Variants in PDE1C observed in about 807,000 individuals in gnomAD.
PDE1C encodes phosphodiesterase 1C, also known as dual specificity calcium/calmodulin-dependent 3',5'-cyclic nucleotide phosphodiesterase 1C.
In PDE1C, 62 loss-of-function variants were observed where a neutral mutation model predicts 93.1. The ratio of observed to expected loss-of-function variants is 0.67; its 90% CI spans 0.54 to 0.82. The LOEUF (loss-of-function observed/expected upper bound fraction) is 0.82, where lower values mean the gene tolerates loss of function less well. Among genes scored for constraint, PDE1C ranks in the 40% least tolerant of loss-of-function variants. The pLI is 0.00. For synonymous variants in PDE1C, 325 were observed against 310.1 expected (o/e 1.05, Z -0.50); for missense variants, 742 against 884.6 (o/e 0.84, Z 2.04).
intron 17 of PDE1C, among the ~76,000 whole-genome samples, chr7:31,768,290 C>T (rs1795266380): frequency 6.6e-6 from 1 of 152,110 alleles, no homozygotes; most frequent in African/African-American, 2.4e-5. Flanking sequence ...GTGAGTCGGG[C>T]CAGGCTGCGG....
chr7:31,658,476 G>A, the PDE1C span: 20 of 1,230,464 alleles, frequency 1.6e-5, no homozygotes, highest in Non-Finnish European at 2.1e-5. Flanking sequence ...AGAGGTTAGA[G>A]TATCAAAGTG....
intron 1 of PDE1C, among the ~76,000 whole-genome samples, chr7:32,389,377 C>T (rs867261466): frequency 6.6e-5 from 10 of 152,102 alleles, no homozygotes; most frequent in African/African-American, 1.4e-4. Context: ...CCACCACGCT[C>T]GACTAATTTT....
At chr7:31,743,744 G>T in the PDE1C span, among the ~76,000 whole-genome samples, 15 of 152,124 alleles carry the variant, frequency 9.9e-5, no homozygotes, top group Non-Finnish European at 2.2e-4. Context: ...GAAATAATAG[G>T]GGTTTATTTT....
chr7:32,207,230 G>A (rs141641121), intron 2 of PDE1C, among the ~76,000 whole-genome samples: 1 of 152,030 alleles, frequency 6.6e-6, no homozygotes, highest in African/African-American at 2.4e-5. Context: ...CACAGCACAG[G>A]CTCTGGCCAC....
rs544107744 is a variant in PDE1C, at chr7:31,942,700, T to C, written c.129-61840A>G. Among the ~76,000 whole-genome samples the C allele has an allele frequency of 4.6e-5, 7 of 152,224 alleles. No individual in the cohort carries two copies. The East Asian group carries it at 1.4e-3, about 29-fold the overall frequency. Reference sequence around the variant, plus strand: ...CTTTCTAGAGACAGTAATAAGAAAATATAGTCTTGTCTGGATTAAATCTAT... The same window carrying C: ...CTTTCTAGAGACAGTAATAAGAAAACATAGTCTTGTCTGGATTAAATCTAT... On this transcript the variant is annotated intron_variant, in intron 2 of 17. Coordinates refer to ENST00000396191, the MANE Select transcript of PDE1C (RefSeq NM_001191057.4).
intron 7 of PDE1C, among the ~76,000 whole-genome samples, chr7:31,851,848 G>T (rs1250472902): frequency 1.3e-5 from 2 of 152,186 alleles, no homozygotes; most frequent in Non-Finnish European, 2.9e-5. Flanking sequence ...CTGTGAAAGA[G>T]CAGAACACAT....
At chr7:32,169,869 T>C (rs1267335800) in exon 3 of PDE1C, 5 of 1,612,480 alleles carry the variant, frequency 3.1e-6, no homozygotes, top group South Asian at 2.2e-5. Flanking sequence ...TCGAGGGTCA[T>C]GGACAATTGT....
At chr7:32,151,106 TA>T (rs1801225763) in intron 3 of PDE1C, among the ~76,000 whole-genome samples, 1 of 152,194 alleles carries the variant, frequency 6.6e-6, no homozygotes, top group Non-Finnish European at 1.5e-5. Context: ...AATCAGTATT[TA>T]TTTCCTAAGC....
intron 3 of PDE1C, among the ~76,000 whole-genome samples, chr7:32,117,661 C>T (rs183256685): frequency 3.3e-5 from 5 of 152,308 alleles, no homozygotes; most frequent in South Asian, 4.1e-4. Context: ...ATTCCTAATG[C>T]TTGTAATTTG....
At chr7:31,919,193 A>G (rs1802306791) in intron 2 of PDE1C, among the ~76,000 whole-genome samples, 1 of 152,224 alleles carries the variant, frequency 6.6e-6, no homozygotes, top group South Asian at 2.1e-4. Flanking sequence ...AAGAACTCGG[A>G]CTAGACAGTA....
At chr7:31,623,574 T>C in the PDE1C span, among the ~76,000 whole-genome samples, 1 of 151,102 alleles carries the variant, frequency 6.6e-6, no homozygotes, top group African/African-American at 2.4e-5. Context: ...CTAAAAACTC[T>C]CAATAAATTA....
In PDE1C at chr7:32,262,768, A is replaced by T. The variant is rs569587655; in HGVS notation, c.85+35883T>A. ...GTAACAACTCTTTGAACTTTCTGAC[A>T]ACTTTTGGGGATAGTATTTTGGAAT... On this transcript the variant is annotated intron_variant, in intron 1 of 18. Transcript: ENST00000396193. Among the ~76,000 whole-genome samples the T allele has an allele frequency of 5.3e-5, 8 of 152,300 alleles. No individual in the cohort carries two copies. The South Asian group carries it at 1.7e-3, about 32-fold the overall frequency.
chr7:31,840,692 C>G (rs1222291328), intron 9 of PDE1C, among the ~76,000 whole-genome samples: 4 of 152,050 alleles, frequency 2.6e-5, no homozygotes, highest in Non-Finnish European at 5.9e-5. Flanking sequence ...AAAATATTTT[C>G]TTTTCCCCAT....
At chr7:31,785,559 T>C (rs1243143687) in intron 16 of PDE1C, 1 of 152,210 alleles carries the variant, frequency 6.6e-6, no homozygotes, top group African/African-American at 2.4e-5. Flanking sequence ...GTCCAGGTCA[T>C]CCACTGCACA....
intron 11 of PDE1C, among the ~76,000 whole-genome samples, chr7:31,832,941 C>CAAAT (rs920678361): frequency 8.5e-5 from 13 of 152,082 alleles, no homozygotes; most frequent in Admixed American, 1.3e-4. Flanking sequence ...CGCCATGGAC[C>CAAAT]AAATACTCCT....
chr7:31,943,611 T>G (rs1293707697), intron 2 of PDE1C, among the ~76,000 whole-genome samples: 1 of 152,146 alleles, frequency 6.6e-6, no homozygotes, highest in Non-Finnish European at 1.5e-5. Flanking sequence ...TAAATATCAA[T>G]GACCAGGAGT....
chr7:31,631,019 C>G, the PDE1C span, among the ~76,000 whole-genome samples: 2 of 152,052 alleles, frequency 1.3e-5, no homozygotes, highest in African/African-American at 4.8e-5. Flanking sequence ...AAGTTATTAA[C>G]TCAAGAAGTA....
At chr7:31,744,956 G>A in the PDE1C span, among the ~76,000 whole-genome samples, 1 of 152,102 alleles carries the variant, frequency 6.6e-6, no homozygotes, top group East Asian at 1.9e-4. Context: ...AAATATAGCA[G>A]AGATATGTGA....
chr7:32,045,321 T>C (rs935334486), intron 2 of PDE1C, among the ~76,000 whole-genome samples: 1 of 152,084 alleles, frequency 6.6e-6, no homozygotes, highest in Non-Finnish European at 1.5e-5. Flanking sequence ...ACTGGGGCTC[T>C]AACCAGACCA....
Sources: allele counts gnomAD v4.1 joint callset (sites outside exome capture counted in the v4.1 genomes callset), GRCh38; gene constraint gnomAD v4.1.1; transcripts MANE v1.5; gene names NCBI Gene and HGNC (gene_info 2026-07-23, HGNC 2026-07-21).